DNAI7: variants seen among roughly 807,000 people sequenced by gnomAD.
DNAI7 encodes the protein cancer susceptibility 1.
A neutral mutation model predicts 86.6 loss-of-function variants in DNAI7; 78 were observed. The ratio of observed to expected loss-of-function variants is 0.90; its 90% CI spans 0.75 to 1.09. The LOEUF (loss-of-function observed/expected upper bound fraction) is 1.09. DNAI7 is among the 50% of genes least tolerant of loss of function. The pLI is 0.00. For missense variants in DNAI7, 753 were observed against 810.2 expected, an observed-to-expected ratio of 0.93 and a Z score of 0.86; for synonymous variants, 274 against 273.0, an observed-to-expected ratio of 1.00 and a Z score of -0.04.
chr12:25,137,552 A>T (rs568699778), intron 9 of DNAI7, among the ~76,000 whole-genome samples: 48 of 152,336 alleles, frequency 3.2e-4, no homozygotes, highest in Admixed American at 1.6e-3. Flanking sequence ...CTCAATACTA[A>T]CATTGGATGT....
At chr12:25,160,729 G>A (rs1215196434) in intron 3 of DNAI7, among the ~76,000 whole-genome samples, 1 of 152,084 alleles carries the variant, frequency 6.6e-6, no homozygotes, top group Non-Finnish European at 1.5e-5. Context: ...GCCTTGCTGA[G>A]AAATAAAAAG....
rs567295963 is a variant in DNAI7 at position 25,161,959 on chromosome 12, T to C, written c.22-762A>G. 2.2e-4 allele frequency among the ~76,000 whole-genome samples: 34 copies of C among 152,286 alleles called. 1 individual carries two copies. The highest frequency in any genetic ancestry group is 7.7e-4 in the African/African-American group (32 of 41,566). On this transcript the variant is annotated intron_variant, in intron 2 of 15. Coordinates refer to ENST00000395987, the MANE Select transcript of DNAI7 (RefSeq NM_018272.5). ...GCTATAAAGAATATAATTTTGAAAA[T>C]TAACCTGGTATCGGAGAAAAAAACA...
At chr12:25,137,967 T>G (rs968101599) in intron 9 of DNAI7, among the ~76,000 whole-genome samples, 1 of 150,960 alleles carries the variant, frequency 6.6e-6, no homozygotes, top group Non-Finnish European at 1.5e-5. Flanking sequence ...ACTTCAACAC[T>G]GACAGCACTA....
chr12:25,191,170 G>A (rs77835152), intron 1 of DNAI7, among the ~76,000 whole-genome samples: 9,314 of 152,140 alleles, frequency 0.061, 383 homozygotes, highest in Non-Finnish European at 0.093. Context: ...AATAGCATTC[G>A]CGGAGGCCAA....
chr12:25,175,952 C>T (rs1948910645), intron 2 of DNAI7, among the ~76,000 whole-genome samples: 1 of 151,844 alleles, frequency 6.6e-6, no homozygotes, highest in Non-Finnish European at 1.5e-5. Context: ...TGGTGGCAGG[C>T]ACCTATAATC....
chr12:25,151,791 G>A (rs1425670955), intron 6 of DNAI7, among the ~76,000 whole-genome samples: 3 of 152,196 alleles, frequency 2.0e-5, no homozygotes, highest in African/African-American at 7.2e-5. Context: ...ACAGTGGACT[G>A]CAAGCAAATC....
intron 8 of DNAI7, among the ~76,000 whole-genome samples, chr12:25,146,442 CA>C (rs952888630): frequency 6.7e-6 from 1 of 150,262 alleles, no homozygotes; most frequent in African/African-American, 2.4e-5. Context: ...ACTAAAAATA[CA>C]AAAAAATTAG....
In DNAI7 at chr12:25,146,849, G is replaced by C. The variant is rs918233153; in HGVS notation, c.689+152C>G. On this transcript the variant is annotated intron_variant, in intron 8 of 15. Transcript: ENST00000395987. ...AAGTAACTTGTGTAAGAAAATGGCG[G>C]GTTTCTGATTCAACCCTTAGTGGGC... 1.6e-5 allele frequency: 9 copies of C among 569,618 alleles called. No individual in the cohort carries two copies. In the African/African-American group the frequency reaches 1.7e-4, roughly 11 times the overall value. The allele number at this position is 569,618 out of a possible 1,614,324, so 35.3% of individuals were successfully genotyped here. A position where few individuals can be genotyped will look rare whatever the true frequency, so the allele number is the denominator to read the frequency against.
chr12:25,144,500 A>G lies in DNAI7; in HGVS notation c.867T>C (p.Asp289=). The change falls in exon 9 of 16, where the codon GAT becomes GAC. Residue 289 remains aspartate, a synonymous_variant. Coordinates refer to ENST00000395987, the MANE Select transcript of DNAI7 (RefSeq NM_018272.5). ...YTSAVTELVK[D]DVKNVEKAIS... is the part of the protein sequence containing the mutation. The stretch of plus-strand genomic sequence containing the variant: ...TTGCTTTTTCTACATTCTTAACATC[A>G]TCTTTGACAAGCTCAGTTACTGCAG... 1 of 1,613,986 alleles carries G rather than the reference A, an allele frequency of 6.2e-7. No individual in the cohort carries two copies. The highest frequency in any genetic ancestry group is 8.5e-7 in the Non-Finnish European group (1 of 1,179,972).
intron 9 of DNAI7, among the ~76,000 whole-genome samples, chr12:25,137,827 C>G (rs1592341739): frequency 6.6e-6 from 1 of 152,068 alleles, no homozygotes; most frequent in South Asian, 2.1e-4. Flanking sequence ...AAGGTCTAGT[C>G]CAACAGGAAA....
chr12:25,166,213 T>C (rs979603525), intron 2 of DNAI7, among the ~76,000 whole-genome samples: 1 of 152,212 alleles, frequency 6.6e-6, no homozygotes, highest in Non-Finnish European at 1.5e-5. Flanking sequence ...TTAAAGCCTA[T>C]AAACTCTCCT....
intron 12 of DNAI7, among the ~76,000 whole-genome samples, chr12:25,115,822 T>C (rs1181158275): frequency 4.6e-5 from 7 of 152,222 alleles, no homozygotes; most frequent in African/African-American, 1.7e-4. Context: ...AGGTACATAC[T>C]GAACTGAAAA....
intron 7 of DNAI7, among the ~76,000 whole-genome samples, chr12:25,149,165 G>A (rs771514164): frequency 6.6e-6 from 1 of 151,840 alleles, no homozygotes; most frequent in Non-Finnish European, 1.5e-5. Context: ...ATTAGGATGA[G>A]GTCTCCTATC....
chr12:25,161,346 T>C, intron 2 of DNAI7, 149 bp from the exon 3 acceptor site: 2 of 669,510 alleles, frequency 3.0e-6, no homozygotes, highest in East Asian at 2.7e-5. Flanking sequence ...TGCCTCTTAG[T>C]GTAAAGCTTT....
At chr12:25,130,760 A>G (rs948272878) in intron 9 of DNAI7, among the ~76,000 whole-genome samples, 1 of 152,094 alleles carries the variant, frequency 6.6e-6, no homozygotes, top group Non-Finnish European at 1.5e-5. Context: ...AATGTGCTAC[A>G]CTTAAATTAG....
At chr12:25,134,352 C>CTTTTTTTTTTT (rs5797119) in intron 9 of DNAI7, among the ~76,000 whole-genome samples, 4 of 91,178 alleles carry the variant, frequency 4.4e-5, no homozygotes, top group Non-Finnish European at 6.0e-5. Flanking sequence ...CCTTGGCGTA[C>CTTTTTTTTTTT]TTTTTTTTTT....
Position 25,114,807 on chromosome 12 carries a change from G to A in DNAI7, c.1460C>T (p.Thr487Ile), listed in dbSNP as rs767994777. 5.6e-6 allele frequency: 9 copies of A among 1,614,024 alleles called. No homozygotes were observed. The East Asian group carries it at 8.9e-5, about 16-fold the overall frequency. Residue 487 changes from threonine to isoleucine, a missense_variant, in exon 13 of 16, where the codon ACA (threonine) becomes ATA (isoleucine). Coordinates refer to ENST00000395987, the MANE Select transcript of DNAI7 (RefSeq NM_018272.5). ...VSYKPKERLV[T>I]FSLDTFGPVT... ...AGGGCCAAAGGTGTCCAGGCTGAAT[G>A]TTACAAGTCTTTCTTTTGGTTTGTA...
chr12:25,155,286 G>C (rs775436163), intron 5 of DNAI7, 25 bp downstream of exon 5: 1 of 1,296,798 alleles, frequency 7.7e-7, no homozygotes, highest in Admixed American at 1.9e-5. Context: ...AAAGGTATTA[G>C]CTAAAAAAGA....
chr12:25,184,267 T>C (rs1231197776), intron 2 of DNAI7, among the ~76,000 whole-genome samples: 7 of 152,320 alleles, frequency 4.6e-5, no homozygotes, highest in Admixed American at 4.6e-4. Context: ...TACTCATTAG[T>C]AGTTACTCTC....
Sources: gnomAD v4.1 joint callset for allele counts (sites outside exome capture counted in the v4.1 genomes callset) on GRCh38, gnomAD v4.1.1 for gene constraint, MANE v1.5 for transcripts, NCBI Gene and HGNC (gene_info 2026-07-23, HGNC 2026-07-21) for gene names.